Variants in PTPRT observed in about 807,000 individuals in gnomAD.
PTPRT encodes protein tyrosine phosphatase receptor type T.
PTPRT carries 56 observed loss-of-function variants against 176.8 expected under a neutral mutation model. The observed-to-expected ratio is 0.32, with a 90% CI of 0.26 to 0.40. PTPRT has a LOEUF of 0.40. PTPRT is among the 10% of genes least tolerant of loss of function. The probability of loss-of-function intolerance (pLI) is 1.00; values close to 1 mark genes in which losing one functional copy is unlikely to be tolerated. For missense variants in PTPRT, 1,540 were observed against 1,908.2 expected (o/e 0.81, Z 3.60); for synonymous variants, 783 against 739.0 (o/e 1.06, Z -0.96).
chr20:42,684,967 C>A (rs527466188), intron 6 of PTPRT, among the ~76,000 whole-genome samples: 25 of 152,288 alleles, frequency 1.6e-4, no homozygotes, highest in African/African-American at 6.0e-4. Flanking sequence ...AGTATTGATT[C>A]ATTTAGTCTT....
chr20:42,747,296 C>T (rs909839325), intron 6 of PTPRT, among the ~76,000 whole-genome samples: 1 of 152,198 alleles, frequency 6.6e-6, no homozygotes, highest in Non-Finnish European at 1.5e-5. Context: ...GACCTGAGCA[C>T]TCTTCCCTGG....
intron 9 of PTPRT, among the ~76,000 whole-genome samples, chr20:42,354,130 C>G (rs1258522214): frequency 6.6e-6 from 1 of 152,080 alleles, no homozygotes; most frequent in Non-Finnish European, 1.5e-5. Flanking sequence ...TTTTTGAAAA[C>G]TGGATACAGT....
intron 1 of PTPRT, among the ~76,000 whole-genome samples, chr20:42,913,088 T>C (rs1978504321): frequency 6.6e-6 from 1 of 152,160 alleles, no homozygotes; most frequent in Non-Finnish European, 1.5e-5. Context: ...CTTTACAAAA[T>C]TGCTGTAAAA....
intron 16 of PTPRT, among the ~76,000 whole-genome samples, chr20:42,178,783 T>C (rs549775917): frequency 6.6e-6 from 1 of 152,276 alleles, no homozygotes; most frequent in South Asian, 2.1e-4. Context: ...ACTGACAGAT[T>C]CATTTTTTCA....
chr20:42,135,535 C>A (rs1023244543), intron 18 of PTPRT, among the ~76,000 whole-genome samples: 2 of 152,098 alleles, frequency 1.3e-5, no homozygotes, highest in African/African-American at 4.8e-5. Flanking sequence ...GTATACAGAC[C>A]AATGTTTAGT....
At chr20:42,670,512 G>A (rs183467976) in intron 7 of PTPRT, among the ~76,000 whole-genome samples, 1 of 152,252 alleles carries the variant, frequency 6.6e-6, no homozygotes, top group East Asian at 1.9e-4. Flanking sequence ...TCCCCCTGGA[G>A]AAAAGAGAGA....
chr20:42,089,567 T>C (rs1233024502), intron 27 of PTPRT, among the ~76,000 whole-genome samples: 1 of 152,212 alleles, frequency 6.6e-6, no homozygotes, highest in African/African-American at 2.4e-5. Context: ...TCGGGACACT[T>C]CTCTGCATTC....
At chr20:42,403,868 C>T (rs1466486205) in intron 9 of PTPRT, among the ~76,000 whole-genome samples, 2 of 152,266 alleles carry the variant, frequency 1.3e-5, no homozygotes, top group Non-Finnish European at 2.9e-5. Context: ...TATCCTGCTG[C>T]CTTTTGTACT....
intron 9 of PTPRT, among the ~76,000 whole-genome samples, chr20:42,395,542 C>T (rs576783626): frequency 6.6e-6 from 1 of 152,232 alleles, no homozygotes; most frequent in South Asian, 2.1e-4. Context: ...GATCAGAGAA[C>T]ATCTTCAGGT....
intron 7 of PTPRT, among the ~76,000 whole-genome samples, chr20:42,612,052 G>A (rs2073984437): frequency 6.6e-6 from 1 of 152,020 alleles, no homozygotes; most frequent in African/African-American, 2.4e-5. Flanking sequence ...GCATCATTCA[G>A]CCTCCTGCTG....
intron 11 of PTPRT, among the ~76,000 whole-genome samples, chr20:42,321,727 TAA>T (rs1172867156): frequency 6.6e-6 from 1 of 152,218 alleles, no homozygotes; most frequent in African/African-American, 2.4e-5. Flanking sequence ...TCTTGTCATC[TAA>T]TTCATTGCTT....
At chr20:42,473,891 A>G (rs539459031) in intron 7 of PTPRT, among the ~76,000 whole-genome samples, 1 of 152,262 alleles carries the variant, frequency 6.6e-6, no homozygotes, top group East Asian at 1.9e-4. Flanking sequence ...TGGAGATTAA[A>G]TCAGTACTTC....
Position 42,102,264 on chromosome 20 carries a change from C to T in PTPRT, c.3574G>A (p.Glu1192Lys), listed in dbSNP as rs770182876. The change falls in exon 26 of 31, where the codon GAG becomes AAG. Residue 1192 changes from glutamate to lysine, a missense_variant. Glu to Lys is a moderately conservative substitution (Grantham distance 56, BLOSUM62 1). Transcript: ENST00000373187. Reference protein sequence around the residue: ...LNIVTPRVRPEDCSIGLLPRN... With the variant: ...LNIVTPRVRPKDCSIGLLPRN... ...GGCAGGAGCCCAATGCTGCAGTCCT[C>T]GGGCCGCACACGGGGTGTCACAATG... The T allele has an allele frequency of 1.2e-5, 19 of 1,613,992 alleles. No homozygotes were observed. Among genetic ancestry groups the T allele is most frequent in the East Asian group, 2.2e-5 (1 of 44,880 alleles).
intron 7 of PTPRT, among the ~76,000 whole-genome samples, chr20:42,528,851 T>C (rs2072325883): frequency 6.6e-6 from 1 of 152,210 alleles, no homozygotes; most frequent in African/African-American, 2.4e-5. Flanking sequence ...TGGCCATATA[T>C]CCTGGATTTT....
At chr20:42,297,549 G>T (rs1346427734) in intron 12 of PTPRT, among the ~76,000 whole-genome samples, 1 of 152,076 alleles carries the variant, frequency 6.6e-6, no homozygotes, top group African/African-American at 2.4e-5. Flanking sequence ...AAATTTATAG[G>T]GAACATGCAA....
At chr20:42,197,489 G>A (rs369371773) in intron 16 of PTPRT, among the ~76,000 whole-genome samples, 24 of 151,314 alleles carry the variant, frequency 1.6e-4, no homozygotes, top group African/African-American at 5.1e-4. Flanking sequence ...TACAATGTGA[G>A]CGCTCTGATT....
At chr20:42,143,232 G>A (rs1448292620) in intron 17 of PTPRT, among the ~76,000 whole-genome samples, 1 of 152,144 alleles carries the variant, frequency 6.6e-6, no homozygotes, top group African/African-American at 2.4e-5. Context: ...TCTGGGAGGG[G>A]CATGGAGGAA....
intron 7 of PTPRT, among the ~76,000 whole-genome samples, chr20:42,588,604 C>T (rs2073513872): frequency 6.6e-6 from 1 of 152,016 alleles, no homozygotes; most frequent in South Asian, 2.1e-4. Context: ...AATGATTATG[C>T]ATTTAAATAA....
intron 1 of PTPRT, among the ~76,000 whole-genome samples, chr20:42,966,047 T>C (rs1272761730): frequency 1.3e-5 from 2 of 152,180 alleles, no homozygotes; most frequent in Non-Finnish European, 2.9e-5. Context: ...GATAGGTCAT[T>C]CTAGTTCCAC....
Sources: allele counts gnomAD v4.1 joint callset (sites outside exome capture counted in the v4.1 genomes callset), GRCh38; gene constraint gnomAD v4.1.1; transcripts MANE v1.5; gene names NCBI Gene and HGNC (gene_info 2026-07-23, HGNC 2026-07-21).